FOXP1: variants seen among roughly 807,000 people sequenced by gnomAD.
The protein encoded by FOXP1 is forkhead box P1, also known as forkhead box protein P1.
A neutral mutation model predicts 98.2 loss-of-function variants in FOXP1; 15 were observed. The ratio of observed to expected loss-of-function variants is 0.15; its 90% CI spans 0.10 to 0.24. The LOEUF is 0.24. Ranked by LOEUF, FOXP1 falls within the 10% of genes least tolerant of loss-of-function variation. FOXP1 has a pLI of 1.00. For synonymous variants in FOXP1, 371 were observed against 314.5 expected, an observed-to-expected ratio of 1.18 and a Z score of -1.90; for missense variants, 633 against 848.5, an observed-to-expected ratio of 0.75 and a Z score of 3.15.
At chr3:71,431,249 G>C (rs1262772077) in intron 3 of FOXP1, among the ~76,000 whole-genome samples, 7 of 152,138 alleles carry the variant, frequency 4.6e-5, no homozygotes, top group African/African-American at 1.4e-4. Context: ...TGGTTGGTGG[G>C]CAGGAAATCA....
intron 4 of FOXP1, among the ~76,000 whole-genome samples, chr3:71,308,696 A>T (rs1377511769): frequency 1.3e-5 from 2 of 151,970 alleles, no homozygotes; most frequent in Non-Finnish European, 2.9e-5. Flanking sequence ...GGAAAAAAAA[A>T]TAAACTGGAA....
intron 11 of FOXP1, among the ~76,000 whole-genome samples, chr3:71,030,428 A>T (rs971785723): frequency 6.6e-6 from 1 of 152,198 alleles, no homozygotes; most frequent in Non-Finnish European, 1.5e-5. Flanking sequence ...CCCCAACAGT[A>T]ACCTCAGCCC....
intron 10 of FOXP1, 36 bp from the exon 11 acceptor site, chr3:71,041,568 C>T (rs1263392294): frequency 1.3e-6 from 2 of 1,569,978 alleles, no homozygotes; most frequent in East Asian, 2.2e-5. Flanking sequence ...AATCAATTAA[C>T]AGCTAATTCC....
chr3:71,406,419 A>ATATATATATATATATATATATATATC (rs2082350211), intron 3 of FOXP1, among the ~76,000 whole-genome samples: 1 of 143,290 alleles, frequency 7.0e-6, no homozygotes, highest in Non-Finnish European at 1.6e-5. Flanking sequence ...ATATATATAT[A>ATATATATATATATATATATATATATC]TATATGGTAC....
chr3:71,364,409 AG>A (rs2078773725), intron 3 of FOXP1, among the ~76,000 whole-genome samples: 1 of 152,238 alleles, frequency 6.6e-6, no homozygotes, highest in Non-Finnish European at 1.5e-5. Flanking sequence ...TAGCCCAGTA[AG>A]GAAGTTTGAT....
chr3:71,271,459 G>A (rs1159369103), intron 5 of FOXP1, among the ~76,000 whole-genome samples: 2 of 152,124 alleles, frequency 1.3e-5, no homozygotes, highest in Admixed American at 1.3e-4. Flanking sequence ...AAAATTCACT[G>A]TAAATCTGGA....
intron 5 of FOXP1, among the ~76,000 whole-genome samples, chr3:71,298,432 T>C (rs1380091784): frequency 6.6e-6 from 1 of 151,184 alleles, no homozygotes; most frequent in Non-Finnish European, 1.5e-5. Context: ...GCCACTGCAC[T>C]CCAGCCTGGG....
intron 11 of FOXP1, among the ~76,000 whole-genome samples, chr3:71,040,917 C>T (rs751994470): frequency 6.6e-6 from 1 of 152,142 alleles, no homozygotes; most frequent in Non-Finnish European, 1.5e-5. Flanking sequence ...TGTAGAGTAA[C>T]ATAAGTTCTA....
chr3:71,105,667 G>A (rs831439), intron 7 of FOXP1, among the ~76,000 whole-genome samples: 120,331 of 152,130 alleles, frequency 0.79, 48,517 homozygotes, highest in African/African-American at 0.9. Context: ...TGTTCCAAAC[G>A]CATGGACGCT....
intron 2 of FOXP1, among the ~76,000 whole-genome samples, chr3:71,511,972 G>A (rs904722554): frequency 4.6e-5 from 7 of 152,146 alleles, no homozygotes; most frequent in Non-Finnish European, 2.9e-5. Context: ...TGGTGATGAC[G>A]ACAACAATAA....
At chr3:71,109,492 G>A (rs915683587) in intron 7 of FOXP1, among the ~76,000 whole-genome samples, 9 of 151,082 alleles carry the variant, frequency 6.0e-5, no homozygotes, top group African/African-American at 2.2e-4. Flanking sequence ...CTTCCTCTAT[G>A]CAGAAGATCT....
rs186365407 is a variant in FOXP1 at position 71,380,325 on chromosome 3, C to T, written c.-167-21081G>A. 1.2e-4 allele frequency among the ~76,000 whole-genome samples: 19 copies of T among 152,312 alleles called. No individual in the cohort carries two copies. The East Asian group carries it at 3.5e-3, about 28-fold the overall frequency. ...TAATTTTACATCCACAATACCCTGA[C>T]ACACTGGCCAAGAATTCCTAGTCTG... On this transcript the variant is annotated intron_variant, in intron 3 of 20. Transcript: ENST00000649528.
chr3:71,151,225 T>C (rs891336723), intron 6 of FOXP1, among the ~76,000 whole-genome samples: 2 of 152,230 alleles, frequency 1.3e-5, no homozygotes, highest in African/African-American at 4.8e-5. Flanking sequence ...AGCCAAGTTC[T>C]TGCAAGGTAC....
At chr3:71,005,439 T>TA (rs1354278468) in intron 12 of FOXP1, among the ~76,000 whole-genome samples, 1 of 150,118 alleles carries the variant, frequency 6.7e-6, no homozygotes, top group Non-Finnish European at 1.5e-5. Context: ...GACTATAATA[T>TA]AATTTTCTTA....
At chr3:71,314,030 T>C (rs540823858) in intron 4 of FOXP1, among the ~76,000 whole-genome samples, 185 of 152,324 alleles carry the variant, frequency 1.2e-3, no homozygotes, top group Admixed American at 3.9e-3. Flanking sequence ...CTCAGTGTTC[T>C]CATCCATAAA....
rs564544983 is a variant in FOXP1 at position 71,302,475 on chromosome 3, C to T, written c.-72-2595G>A. Among the ~76,000 whole-genome samples, 15 of 141,654 alleles carry T rather than the reference C, an allele frequency of 1.1e-4. No individual in the cohort carries two copies. In the East Asian group the frequency reaches 2.5e-3, roughly 24 times the overall value. 92.9% of individuals were successfully genotyped at this position (141,654 alleles called of 152,430 possible). A position where few individuals can be genotyped will look rare whatever the true frequency, so the allele number is the denominator to read the frequency against. ...TGTATGCTTACTGGCAGCACAAGCA[C>T]CAAAACTAAAATTAAATGATTATGC... On this transcript the variant is annotated intron_variant, in intron 4 of 20. Coordinates refer to ENST00000649528, the MANE Select transcript of FOXP1 (RefSeq NM_001349338.3).
At chr3:71,304,367 T>A (rs1576875833) in intron 4 of FOXP1, among the ~76,000 whole-genome samples, 1 of 152,300 alleles carries the variant, frequency 6.6e-6, no homozygotes, top group East Asian at 1.9e-4. Context: ...AAAACAATAT[T>A]TGCTGTTTTC....
intron 5 of FOXP1, among the ~76,000 whole-genome samples, chr3:71,256,674 G>A (rs866367504): frequency 5.3e-5 from 8 of 152,200 alleles, no homozygotes; most frequent in South Asian, 2.1e-4. Context: ...GAGCCACCGC[G>A]CCCGGCCTCT....
At chr3:71,454,228 G>A (rs10451959) in intron 3 of FOXP1, among the ~76,000 whole-genome samples, 2,615 of 152,214 alleles carry the variant, frequency 0.017, 71 homozygotes, top group African/African-American at 0.059. Flanking sequence ...AGAACCCTCC[G>A]TCCAGCTGGG....
Sources: allele counts gnomAD v4.1 joint callset (sites outside exome capture counted in the v4.1 genomes callset), GRCh38; gene constraint gnomAD v4.1.1; transcripts MANE v1.5; gene names NCBI Gene and HGNC (gene_info 2026-07-23, HGNC 2026-07-21).